TRPC5: variants seen among roughly 807,000 people sequenced by gnomAD.
TRPC5 encodes short transient receptor potential channel 5.
Under a neutral mutation model 56.5 loss-of-function variants are expected in TRPC5, and 9 were observed. The observed-to-expected ratio is 0.16, with a 90% CI of 0.10 to 0.28. The LOEUF is 0.28. Ranked by LOEUF, TRPC5 falls within the 10% of genes least tolerant of loss-of-function variation. The probability of loss-of-function intolerance (pLI) is 1.00; values close to 1 mark genes in which losing one functional copy is unlikely to be tolerated. For missense variants in TRPC5, 469 were observed against 748.9 expected (o/e 0.63, Z 4.36); for synonymous variants, 282 against 278.5 (o/e 1.01, Z -0.13).
At chrX:111,788,224 T>C (rs1205078095) in intron 7 of TRPC5, among the ~76,000 whole-genome samples, 1 of 111,936 alleles carries the variant, frequency 8.9e-6, no homozygotes, top group African/African-American at 3.2e-5. Context: ...CATGATCAAG[T>C]TGGCTTTATC....
chrX:111,878,657 A>G (rs1924068635), intron 3 of TRPC5, among the ~76,000 whole-genome samples: 1 of 111,570 alleles, frequency 9.0e-6, no homozygotes, highest in African/African-American at 3.3e-5. Context: ...GACAACCAAA[A>G]GCCTCTCCAG....
At chrX:112,031,226 A>G (rs1929577507) in intron 1 of TRPC5, among the ~76,000 whole-genome samples, 1 of 111,967 alleles carries the variant, frequency 8.9e-6, no homozygotes, top group Non-Finnish European at 1.9e-5. Context: ...ACAATGAACT[A>G]TCTTCTGCAG....
intron 1 of TRPC5, among the ~76,000 whole-genome samples, chrX:111,984,901 C>G (rs1335613778): frequency 8.9e-6 from 1 of 112,118 alleles, no homozygotes; most frequent in African/African-American, 3.2e-5. Context: ...ATGTATATAT[C>G]AAGGGATGTG....
At position 111,952,106 on chromosome X, in the gene TRPC5, G is replaced by A. The variant is rs1927104378; in HGVS notation, c.315C>T (p.Arg105=). The A allele has an allele frequency of 8.3e-7, 1 of 1,212,114 alleles. No individual in the cohort carries two copies. The highest frequency in any genetic ancestry group is 1.7e-5 in the African/African-American group (1 of 57,875). ...GCTCCACAGCGCCCACCACTTCCTT[G>A]CGTATGGCATAGAGCAATGCATCAC... is the stretch of plus-strand genomic sequence containing the variant. ...YVGDALLYAI[R]KEVVGAVELL... Residue 105 remains arginine (R), a synonymous_variant, in exon 2 of 11, where the codon CGC becomes CGT. Transcript: ENST00000262839.
intron 1 of TRPC5, among the ~76,000 whole-genome samples, chrX:112,068,688 G>A (rs886364655): frequency 9.0e-6 from 1 of 111,333 alleles, no homozygotes; most frequent in African/African-American, 3.3e-5. Context: ...TCTATTCTGA[G>A]TACCAGACCA....
chrX:112,008,739 C>T lies in TRPC5; in HGVS notation c.-21-56298G>A, dbSNP rs527918542. Among the ~76,000 whole-genome samples the T allele has an allele frequency of 5.7e-4, 64 of 111,825 alleles. No individual in the cohort carries two copies. In the South Asian group the frequency reaches 0.013, roughly 22 times the overall value. Reference sequence around the variant, plus strand: ...GTTTTTCTAGGCATAATAATAACTACGTAATAACATAATTGTGAAGAGTAA... The same window carrying T: ...GTTTTTCTAGGCATAATAATAACTATGTAATAACATAATTGTGAAGAGTAA... On this transcript the variant is annotated intron_variant, in intron 1 of 10. Transcript: ENST00000262839.
intron 7 of TRPC5, among the ~76,000 whole-genome samples, chrX:111,786,881 A>G: frequency 8.9e-6 from 1 of 111,806 alleles, no homozygotes; most frequent in Non-Finnish European, 1.9e-5. Flanking sequence ...CTAAATATAT[A>G]TGCGCCCAAT....
intron 7 of TRPC5, among the ~76,000 whole-genome samples, chrX:111,784,137 G>A (rs1283781443): frequency 1.8e-5 from 2 of 111,078 alleles, no homozygotes; most frequent in African/African-American, 3.3e-5. Flanking sequence ...TTTATACCAC[G>A]TACAAAACTC....
intron 3 of TRPC5, among the ~76,000 whole-genome samples, chrX:111,888,729 G>GAAAAGA (rs1023243121): frequency 1.1e-5 from 1 of 87,466 alleles, no homozygotes. Flanking sequence ...AGAAAGAAAA[G>GAAAAGA]AAAAGAAAAG....
chrX:112,070,338 C>T (rs184743323), intron 1 of TRPC5, among the ~76,000 whole-genome samples: 3 of 111,396 alleles, frequency 2.7e-5, no homozygotes, highest in South Asian at 3.8e-4. Context: ...AGATTGACGC[C>T]GCCAAGTTCG....
chrX:111,972,661 C>T (rs975769705), intron 1 of TRPC5, among the ~76,000 whole-genome samples: 1 of 112,147 alleles, frequency 8.9e-6, no homozygotes, highest in Non-Finnish European at 1.9e-5. Flanking sequence ...TGGCACCCTC[C>T]TTCTTCAAAG....
chrX:111,867,833 C>T (rs1923594328), intron 3 of TRPC5, among the ~76,000 whole-genome samples: 1 of 112,310 alleles, frequency 8.9e-6, no homozygotes, highest in Non-Finnish European at 1.9e-5. Context: ...CCCAAACCCA[C>T]ACACACGTTT....
chrX:111,780,906 T>C (rs1945914892), intron 9 of TRPC5, among the ~76,000 whole-genome samples: 1 of 111,850 alleles, frequency 8.9e-6, no homozygotes, highest in Non-Finnish European at 1.9e-5. Context: ...CTATTTTATG[T>C]AACTTCAAGG....
chrX:111,876,061 A>G (rs1281857223), intron 3 of TRPC5: 1 of 110,863 alleles, frequency 9.0e-6, no homozygotes, highest in Non-Finnish European at 1.9e-5. Context: ...AGAAAAGACA[A>G]ATGTGGCAAA....
At chrX:111,857,552 C>T (rs1182918350) in intron 3 of TRPC5, among the ~76,000 whole-genome samples, 2 of 112,197 alleles carry the variant, frequency 1.8e-5, no homozygotes, top group East Asian at 2.8e-4. Flanking sequence ...TGGAGATATC[C>T]GGATTGACAT....
chrX:112,064,034 T>G (rs1305807729), intron 1 of TRPC5, among the ~76,000 whole-genome samples: 1 of 111,838 alleles, frequency 8.9e-6, no homozygotes, highest in Admixed American at 9.4e-5. Flanking sequence ...CCCCCAAACA[T>G]GTGCACAATC....
intron 1 of TRPC5, among the ~76,000 whole-genome samples, chrX:112,076,999 C>T (rs1426977925): frequency 8.9e-6 from 1 of 112,191 alleles, no homozygotes; most frequent in East Asian, 2.8e-4. Flanking sequence ...TTAGCCAAAT[C>T]GTATGAATTA....
intron 1 of TRPC5, among the ~76,000 whole-genome samples, chrX:111,980,922 T>TAC (rs1164641815): frequency 1.0e-5 from 1 of 96,847 alleles, no homozygotes. Context: ...TATATATATA[T>TAC]ATACACACAC....
chrX:111,958,317 G>C (rs1206133571), intron 1 of TRPC5, among the ~76,000 whole-genome samples: 1 of 111,282 alleles, frequency 9.0e-6, no homozygotes, highest in Non-Finnish European at 1.9e-5. Context: ...TTCAAGGTAA[G>C]TTCTTCAAGA....
Sources: allele counts gnomAD v4.1 joint callset (sites outside exome capture counted in the v4.1 genomes callset), GRCh38; gene constraint gnomAD v4.1.1; transcripts MANE v1.5; gene names NCBI Gene and HGNC (gene_info 2026-07-23, HGNC 2026-07-21).